LRMDA: variants seen among roughly 807,000 people sequenced by gnomAD.
LRMDA encodes leucine-rich melanocyte differentiation-associated protein.
A neutral mutation model predicts 29.8 loss-of-function variants in LRMDA; 18 were observed. The observed-to-expected ratio is 0.60, with a 90% CI of 0.42 to 0.90. LRMDA has a LOEUF of 0.90. Ranked by LOEUF, LRMDA falls within the 40% of genes least tolerant of loss-of-function variation. The pLI is 0.00. For missense variants in LRMDA, 273 were observed against 273.9 expected (o/e 1.00, Z 0.02); for synonymous variants, 125 against 109.4 (o/e 1.14, Z -0.89).
At chr10:75,879,960 C>T (rs549103665) in intron 2 of LRMDA, among the ~76,000 whole-genome samples, 1 of 152,124 alleles carries the variant, frequency 6.6e-6, no homozygotes, top group Non-Finnish European at 1.5e-5. Flanking sequence ...GCTTCTTCTA[C>T]ACATGTGATC....
At chr10:76,007,015 T>TGC (rs1847678458) in intron 2 of LRMDA, among the ~76,000 whole-genome samples, 1 of 116,148 alleles carries the variant, frequency 8.6e-6, no homozygotes. Flanking sequence ...TGTGTGTGTG[T>TGC]GTGTGTGTGT....
At chr10:75,701,313 A>G (rs1377533142) in intron 2 of LRMDA, among the ~76,000 whole-genome samples, 1 of 152,218 alleles carries the variant, frequency 6.6e-6, no homozygotes, top group Non-Finnish European at 1.5e-5. Flanking sequence ...AAATTCATAC[A>G]CTAACTGGTT....
intron 2 of LRMDA, among the ~76,000 whole-genome samples, chr10:75,449,653 C>CA (rs2132030234): frequency 6.6e-6 from 1 of 152,120 alleles, no homozygotes; most frequent in African/African-American, 2.4e-5. Flanking sequence ...ATTTCCTGCT[C>CA]TCTCCCATTT....
At chr10:76,409,152 A>G (rs1841932571) in intron 6 of LRMDA, among the ~76,000 whole-genome samples, 1 of 152,154 alleles carries the variant, frequency 6.6e-6, no homozygotes. Flanking sequence ...CTCTCTCTAC[A>G]AGAGGATGGA....
chr10:76,089,607 C>T (rs1849196434), intron 5 of LRMDA, among the ~76,000 whole-genome samples: 1 of 152,114 alleles, frequency 6.6e-6, no homozygotes, highest in Non-Finnish European at 1.5e-5. Context: ...GAGGCGACAG[C>T]TCTGCATGAA....
At chr10:76,100,873 G>T (rs1849384652) in intron 5 of LRMDA, among the ~76,000 whole-genome samples, 2 of 151,790 alleles carry the variant, frequency 1.3e-5, no homozygotes, top group Non-Finnish European at 2.9e-5. Flanking sequence ...TGAGCACATA[G>T]AGAGGTCCTT....
chr10:76,429,150 A>C (rs1052310875), intron 6 of LRMDA, among the ~76,000 whole-genome samples: 20 of 151,808 alleles, frequency 1.3e-4, no homozygotes, highest in African/African-American at 4.8e-4. Context: ...CAAAGTAAAA[A>C]TGTTGGAGAA....
intron 6 of LRMDA, among the ~76,000 whole-genome samples, chr10:76,547,482 A>C (rs192914600): frequency 6.6e-6 from 1 of 152,092 alleles, no homozygotes; most frequent in African/African-American, 2.4e-5. Flanking sequence ...GCTCTCCCTG[A>C]ATAGTTGCCG....
chr10:76,124,636 T>C lies in LRMDA; in HGVS notation c.516+65853T>C, dbSNP rs1398833698. 3.9e-5 allele frequency among the ~76,000 whole-genome samples: 6 copies of C among 152,248 alleles called. No individual in the cohort carries two copies. The South Asian group carries it at 1.2e-3, about 32-fold the overall frequency. ...GCCACACCCTTAGGACTTAGGCCCC[T>C]GTGGGTGTCCTGAATCCAGCCCCTT... On this transcript the variant is annotated intron_variant, in intron 5 of 6. Transcript: ENST00000611255.
chr10:75,615,083 TC>T (rs1564522909), intron 2 of LRMDA, among the ~76,000 whole-genome samples: 1 of 152,234 alleles, frequency 6.6e-6, no homozygotes, highest in Non-Finnish European at 1.5e-5. Context: ...GTGGCCATTG[TC>T]CTTTCTCTCA....
At chr10:75,526,835 G>A (rs1310433018) in intron 2 of LRMDA, among the ~76,000 whole-genome samples, 1 of 149,524 alleles carries the variant, frequency 6.7e-6, no homozygotes, top group African/African-American at 2.5e-5. Context: ...CTCCAGCCTG[G>A]ATGGCAGAGC....
rs553057511 is a variant in LRMDA at position 76,309,100 on chromosome 10, T to C, written c.517-15301T>C. Among the ~76,000 whole-genome samples, 121 of 152,164 alleles carry C rather than the reference T, an allele frequency of 8.0e-4. 2 individuals carry two copies. Among genetic ancestry groups the C allele is most frequent in the Admixed American group, 4.6e-4 (7 of 15,270 alleles). ...GTTTTGAAAGGACTTCTATTATCCGTGGCTTCCCTTTTCGAGGCAAAGATG... is the reference window on the plus strand; with the variant it reads ...GTTTTGAAAGGACTTCTATTATCCGCGGCTTCCCTTTTCGAGGCAAAGATG... On this transcript the variant is annotated intron_variant, in intron 5 of 6. Transcript: ENST00000611255.
intron 5 of LRMDA, among the ~76,000 whole-genome samples, chr10:76,254,801 C>T (rs1043202205): frequency 2.7e-5 from 4 of 145,970 alleles, no homozygotes; most frequent in African/African-American, 1.0e-4. Flanking sequence ...TTACCCACCA[C>T]CGTGAGTTTA....
At chr10:76,147,074 C>A (rs1359987639) in intron 5 of LRMDA, among the ~76,000 whole-genome samples, 1 of 152,192 alleles carries the variant, frequency 6.6e-6, no homozygotes, top group Non-Finnish European at 1.5e-5. Flanking sequence ...TGATGGGCTT[C>A]CCTTTGTGGG....
chr10:75,951,550 A>C (rs1323485923), intron 2 of LRMDA, among the ~76,000 whole-genome samples: 2 of 152,222 alleles, frequency 1.3e-5, no homozygotes, highest in Non-Finnish European at 2.9e-5. Context: ...CCTGGACGGC[A>C]CTGCCATGGC....
At chr10:75,493,471 C>T (rs1283861146) in intron 2 of LRMDA, among the ~76,000 whole-genome samples, 1 of 151,632 alleles carries the variant, frequency 6.6e-6, no homozygotes, top group Admixed American at 6.6e-5. Flanking sequence ...AAGGTATGTT[C>T]TCTCAATCCC....
chr10:75,872,815 T>C (rs1228536982), intron 2 of LRMDA, among the ~76,000 whole-genome samples: 2 of 152,172 alleles, frequency 1.3e-5, no homozygotes, highest in Non-Finnish European at 2.9e-5. Flanking sequence ...CATCACCTCT[T>C]CTGCAACACA....
At chr10:76,274,112 T>G (rs955748031) in intron 5 of LRMDA, among the ~76,000 whole-genome samples, 1 of 152,188 alleles carries the variant, frequency 6.6e-6, no homozygotes, top group Non-Finnish European at 1.5e-5. Context: ...GAGTCATTCA[T>G]AGTATATCCT....
At chr10:75,637,184 T>A (rs982351503) in intron 2 of LRMDA, among the ~76,000 whole-genome samples, 1 of 152,224 alleles carries the variant, frequency 6.6e-6, no homozygotes, top group Non-Finnish European at 1.5e-5. Flanking sequence ...CTTTTGGTGT[T>A]GGGTCATGAC....
Sources: gnomAD v4.1 joint callset for allele counts (sites outside exome capture counted in the v4.1 genomes callset) on GRCh38, gnomAD v4.1.1 for gene constraint, MANE v1.5 for transcripts, NCBI Gene and HGNC (gene_info 2026-07-23, HGNC 2026-07-21) for gene names.